Variants in WASHC2A observed in about 807,000 individuals in gnomAD.
The protein encoded by WASHC2A is WASH complex subunit 2A, also known as WASH complex subunit FAM21A.
WASHC2A carries 82 observed loss-of-function variants against 140.3 expected under a neutral mutation model. The observed-to-expected ratio is 0.58, with a 90% confidence interval of 0.49 to 0.70. The LOEUF (loss-of-function observed/expected upper bound fraction) is 0.70. Among genes scored for constraint, WASHC2A ranks in the 30% least tolerant of loss-of-function variants. The probability of loss-of-function intolerance (pLI) is 0.00; values close to 1 mark genes in which losing one functional copy is unlikely to be tolerated. For missense variants in WASHC2A, 985 were observed against 1,521.8 expected (o/e 0.65, Z 5.87); for synonymous variants, 340 against 560.8 (o/e 0.61, Z 5.56).
chr10:50,121,271 C>T (rs1471158224), intron 23 of WASHC2A, among the ~76,000 whole-genome samples: 2 of 150,284 alleles, frequency 1.3e-5, no homozygotes, highest in Non-Finnish European at 2.9e-5. Flanking sequence ...CAAAAAACAT[C>T]CATTGGAAAT....
rs1234859782 is a variant in WASHC2A at position 50,132,783 on chromosome 10, GTTC to G, written c.3887-17_3887-15del. 12 of 1,611,996 alleles carry G rather than the reference GTTC, an allele frequency of 7.4e-6. No individual in the cohort carries two copies. Among genetic ancestry groups the G allele is most frequent in the Admixed American group, 5.0e-5 (3 of 60,002 alleles). On this transcript the variant is annotated intron_variant, in intron 30 of 30. Coordinates refer to ENST00000282633, the MANE Select transcript of WASHC2A (RefSeq NM_001005751.3). ...CTTTCTCCACCCCTCTTCAGCAACC[GTTC>G]TTCTTTTTTCTTTCTAAAGATGACA...
chr10:50,123,971 C>T (rs1484444752), intron 23 of WASHC2A, among the ~76,000 whole-genome samples: 1 of 151,852 alleles, frequency 6.6e-6, no homozygotes, highest in Non-Finnish European at 1.5e-5. Context: ...AATATTTTTC[C>T]ATAGTTGTGA....
At chr10:50,069,834 T>G in intron 3 of WASHC2A, 123 bp downstream of exon 3, 8 of 1,138,542 alleles carry the variant, frequency 7.0e-6, no homozygotes, top group Non-Finnish European at 9.7e-6. Context: ...TAATTGTAGC[T>G]TTTTTCTCTG....
Position 50,126,305 on chromosome 10 carries a change from G to A in WASHC2A, c.2811+126G>A, listed in dbSNP as rs566016628. 1.2e-3 allele frequency: 1,924 copies of A among 1,576,604 alleles called. 4 individuals carry two copies. The highest frequency in any genetic ancestry group is 1.6e-3 in the Non-Finnish European group (1,798 of 1,158,074). ...GGAGGAAACAGCAACCAGGGCTACCGCTTTGTCTTCACTGCACTCCCCCCA... is the reference window on the plus strand; with the variant it reads ...GGAGGAAACAGCAACCAGGGCTACCACTTTGTCTTCACTGCACTCCCCCCA... On this transcript the variant is annotated intron_variant, in intron 26 of 30. Transcript: ENST00000282633.
intron 3 of WASHC2A, among the ~76,000 whole-genome samples, chr10:50,075,167 T>C (rs1229811475): frequency 3.9e-5 from 6 of 151,958 alleles, no homozygotes; most frequent in African/African-American, 1.4e-4. Context: ...TTAAACCGTA[T>C]CATAATTTAT....
chr10:50,125,773 G>A (rs1373573914), intron 25 of WASHC2A, among the ~76,000 whole-genome samples: 3 of 152,290 alleles, frequency 2.0e-5, no homozygotes, highest in East Asian at 3.9e-4. Context: ...TGCCTTTCAG[G>A]TGCAAAGTTT....
At position 50,127,800 on chromosome 10, in the gene WASHC2A, T is replaced by C. The variant is rs1843565764; in HGVS notation, c.3087+5T>C. 7.1e-7 allele frequency: 1 copy of C among 1,408,002 alleles called. No homozygotes were observed. The highest frequency in any genetic ancestry group is 1.4e-5 in the African/African-American group (1 of 69,046). The allele number at this position is 1,408,002 out of a possible 1,614,324, so 87.2% of individuals were successfully genotyped here. ...ACCTTACACAGTGCAAACAAGGTGATGAAACCATCTTTGCTTCCTTGCTCT... is the reference window on the plus strand; with the variant it reads ...ACCTTACACAGTGCAAACAAGGTGACGAAACCATCTTTGCTTCCTTGCTCT... On this transcript the variant is annotated splice_donor_5th_base_variant and intron_variant, in intron 28 of 30. Transcript: ENST00000282633.
chr10:50,127,338 C>T (rs1341364243), intron 27 of WASHC2A, 116 bp downstream of exon 27: 1 of 1,584,958 alleles, frequency 6.3e-7, no homozygotes, highest in Non-Finnish European at 8.6e-7. Context: ...CCCGCCTCCC[C>T]TCCCCTGCAC....
At chr10:50,126,224 A>T in intron 26 of WASHC2A, 45 bp downstream of exon 26, 1 of 1,611,914 alleles carries the variant, frequency 6.2e-7, no homozygotes. Flanking sequence ...TTTGCATCCC[A>T]GTACAGAGAA....
chr10:50,107,537 G>T (rs1319008008), intron 19 of WASHC2A, among the ~76,000 whole-genome samples: 1 of 151,896 alleles, frequency 6.6e-6, no homozygotes, highest in East Asian at 1.9e-4. Context: ...GTTAATAGGG[G>T]GTGAAGTGGA....
At chr10:50,092,738 T>C (rs1589196518) in intron 11 of WASHC2A, among the ~76,000 whole-genome samples, 2 of 151,490 alleles carry the variant, frequency 1.3e-5, no homozygotes, top group African/African-American at 4.9e-5. Flanking sequence ...CCTGTAGAGA[T>C]TTGATTTATT....
At chr10:50,104,731 C>T (rs2132770087) in intron 18 of WASHC2A, among the ~76,000 whole-genome samples, 1 of 151,102 alleles carries the variant, frequency 6.6e-6, no homozygotes, top group South Asian at 2.1e-4. Context: ...ATACAATTGA[C>T]CCTTTAACAG....
At chr10:50,090,515 A>AAATATATATATATTT (rs1214596899) in intron 8 of WASHC2A, among the ~76,000 whole-genome samples, 2 of 108,766 alleles carry the variant, frequency 1.8e-5, no homozygotes, top group African/African-American at 3.3e-5. Flanking sequence ...AAAAAAAAAA[A>AAATATATATATATTT]ATATATATAT....
chr10:50,109,987 G>C, intron 19 of WASHC2A, 114 bp from the exon 20 acceptor site: 1 of 1,159,350 alleles, frequency 8.6e-7, no homozygotes, highest in Non-Finnish European at 1.2e-6. Context: ...AGCAAGGATG[G>C]TCTTGATCTG....
intron 28 of WASHC2A, among the ~76,000 whole-genome samples, chr10:50,129,107 A>G (rs1417860095): frequency 1.3e-5 from 2 of 152,176 alleles, no homozygotes; most frequent in African/African-American, 2.4e-5. Flanking sequence ...CAGAGAGCCA[A>G]CATACCTACT....
chr10:50,109,474 C>T (rs1842079715), intron 19 of WASHC2A, among the ~76,000 whole-genome samples: 1 of 152,036 alleles, frequency 6.6e-6, no homozygotes, highest in Non-Finnish European at 1.5e-5. Flanking sequence ...TGGCTTCCTT[C>T]TTATAGCCTC....
intron 17 of WASHC2A, among the ~76,000 whole-genome samples, chr10:50,103,281 C>T (rs1208224819): frequency 6.6e-6 from 1 of 150,424 alleles, no homozygotes; most frequent in African/African-American, 2.4e-5. Flanking sequence ...ATATGTCGGC[C>T]GGGTGTGGTG....
chr10:50,099,561 C>G (rs1840857755), intron 16 of WASHC2A, among the ~76,000 whole-genome samples: 1 of 150,980 alleles, frequency 6.6e-6, no homozygotes, highest in Non-Finnish European at 1.5e-5. Context: ...ACTGCTTGAC[C>G]TTTCACTGCT....
At chr10:50,080,000 C>T (rs1838752299) in intron 4 of WASHC2A, among the ~76,000 whole-genome samples, 1 of 151,164 alleles carries the variant, frequency 6.6e-6, no homozygotes. Context: ...GCCTTTGGCC[C>T]TCAGAACAAC....
Sources: gnomAD v4.1 joint callset for allele counts (sites outside exome capture counted in the v4.1 genomes callset) on GRCh38, gnomAD v4.1.1 for gene constraint, MANE v1.5 for transcripts, NCBI Gene and HGNC (gene_info 2026-07-23, HGNC 2026-07-21) for gene names.